Variants in MLLT3 observed in about 807,000 individuals in gnomAD.
The protein encoded by MLLT3 is protein AF-9.
A neutral mutation model predicts 53.2 loss-of-function variants in MLLT3; 4 were observed. The observed-to-expected ratio is 0.08, with a 90% CI of 0.04 to 0.17. The LOEUF is 0.17. Ranked by LOEUF, MLLT3 falls within the 10% of genes least tolerant of loss-of-function variation. MLLT3 has a pLI of 1.00. For synonymous variants in MLLT3, 283 were observed against 230.6 expected (o/e 1.23, Z -2.06); for missense variants, 569 against 684.0 (o/e 0.83, Z 1.87).
intron 2 of MLLT3, among the ~76,000 whole-genome samples, chr9:20,497,039 G>C (rs1033743994): frequency 6.6e-6 from 1 of 152,118 alleles, no homozygotes; most frequent in East Asian, 1.9e-4. Context: ...TAACTCATTG[G>C]AGTTCTTCTT....
At chr9:20,456,631 C>A in intron 3 of MLLT3, 73 bp downstream of exon 3, 1 of 1,098,300 alleles carries the variant, frequency 9.1e-7, no homozygotes, top group South Asian at 1.3e-5. Flanking sequence ...GCTTATGAGT[C>A]AAAATTATTT....
intron 2 of MLLT3, among the ~76,000 whole-genome samples, chr9:20,489,283 T>C (rs574237755): frequency 2.0e-5 from 3 of 152,296 alleles, no homozygotes; most frequent in South Asian, 2.1e-4. Context: ...GTTTTTTATA[T>C]CTACAGAGGC....
intron 2 of MLLT3, among the ~76,000 whole-genome samples, chr9:20,491,847 G>C (rs1335614819): frequency 6.6e-6 from 1 of 152,072 alleles, no homozygotes; most frequent in Non-Finnish European, 1.5e-5. Flanking sequence ...TCAGAGCATA[G>C]TACAAAGAAA....
At chr9:20,354,780 C>G (rs1821121555) in intron 9 of MLLT3, 28 bp downstream of exon 9, 1 of 1,443,328 alleles carries the variant, frequency 6.9e-7, no homozygotes, top group East Asian at 2.3e-5. Context: ...AGTGTTGGAG[C>G]CCTCCTAGTA....
In MLLT3 at chr9:20,431,208, C is replaced by A. The variant is rs368962532; in HGVS notation, c.421-16783G>T. On this transcript the variant is annotated intron_variant, in intron 4 of 10. Transcript: ENST00000380338. ...TTATTCATAGGTATACAATATAAGA[C>A]AGCATTTCTCTGAATGTAGTCGGCA... Among the ~76,000 whole-genome samples the A allele has an allele frequency of 4.6e-5, 7 of 152,208 alleles. No homozygotes were observed. In the South Asian group the frequency reaches 1.5e-3, roughly 32 times the overall value.
At chr9:20,368,241 A>AT (rs1821506526) in intron 5 of MLLT3, among the ~76,000 whole-genome samples, 1 of 152,224 alleles carries the variant, frequency 6.6e-6, no homozygotes, top group Non-Finnish European at 1.5e-5. Flanking sequence ...CAACTGAAAG[A>AT]GCATTCAGTT....
chr9:20,482,509 T>C (rs1264730817), intron 2 of MLLT3, among the ~76,000 whole-genome samples: 1 of 152,216 alleles, frequency 6.6e-6, no homozygotes, highest in East Asian at 1.9e-4. Flanking sequence ...AATTCTAGAA[T>C]GGCGAGTAAA....
At chr9:20,614,313 G>A (rs563133259) in intron 2 of MLLT3, among the ~76,000 whole-genome samples, 99 of 151,880 alleles carry the variant, frequency 6.5e-4, no homozygotes, top group African/African-American at 2.2e-3. Context: ...AGAATTAGTT[G>A]AACCCGGGAG....
chr9:20,560,872 T>A (rs1819191686), intron 2 of MLLT3, among the ~76,000 whole-genome samples: 1 of 152,168 alleles, frequency 6.6e-6, no homozygotes, highest in Admixed American at 6.5e-5. Context: ...GTCAGGGAAT[T>A]TGGGGTGTCA....
intron 2 of MLLT3, among the ~76,000 whole-genome samples, chr9:20,609,115 G>A (rs1049543277): frequency 1.3e-5 from 2 of 151,930 alleles, no homozygotes; most frequent in African/African-American, 4.8e-5. Flanking sequence ...TTTATTTGCA[G>A]CTCTATTTTA....
intron 2 of MLLT3, among the ~76,000 whole-genome samples, chr9:20,568,319 T>G (rs534164934): frequency 1.3e-5 from 2 of 152,228 alleles, no homozygotes; most frequent in East Asian, 1.9e-4. Context: ...TTCTCTCTAC[T>G]TTTCTGAATA....
intron 5 of MLLT3, among the ~76,000 whole-genome samples, chr9:20,387,380 G>T (rs1822065515): frequency 6.6e-6 from 1 of 152,196 alleles, no homozygotes. Context: ...GGGATTTGGT[G>T]AACTTTGTTA....
rs576876159 is a variant in MLLT3, at chr9:20,535,115, G to A, written c.194-78329C>T. Among the ~76,000 whole-genome samples, 182 of 152,202 alleles carry A rather than the reference G, an allele frequency of 1.2e-3. 1 individual carries two copies. Among genetic ancestry groups the A allele is most frequent in the Non-Finnish European group, 2.1e-3 (141 of 67,980 alleles). ...GTACGGGGCCACACGGCAGGTCAGC[G>A]GCAGGTGAGCTAGCGTTACCGCCTG... On this transcript the variant is annotated intron_variant, in intron 2 of 10. Transcript: ENST00000380338.
Position 20,459,489 on chromosome 9 carries a change from G to A in MLLT3, c.194-2703C>T, listed in dbSNP as rs531013377. 1.7e-4 allele frequency among the ~76,000 whole-genome samples: 26 copies of A among 152,314 alleles called. No individual in the cohort carries two copies. The South Asian group carries it at 3.3e-3, about 19-fold the overall frequency. On this transcript the variant is annotated intron_variant, in intron 2 of 10. Coordinates refer to ENST00000380338, the MANE Select transcript of MLLT3 (RefSeq NM_004529.4). ...GTTACGCTTATGACACTTCCAGGCT[G>A]CAAAGCCCCTTTTCAGAACAGCAAT...
At chr9:20,507,812 T>C (rs934031174) in intron 2 of MLLT3, among the ~76,000 whole-genome samples, 2 of 149,432 alleles carry the variant, frequency 1.3e-5, no homozygotes, top group Non-Finnish European at 3.0e-5. Context: ...CATTTTAATG[T>C]TAAAATCATA....
intron 4 of MLLT3, among the ~76,000 whole-genome samples, chr9:20,436,378 G>C (rs1033470045): frequency 6.6e-6 from 1 of 152,234 alleles, no homozygotes; most frequent in Admixed American, 6.5e-5. Flanking sequence ...CACATAAATT[G>C]TATTTTCAGA....
intron 2 of MLLT3, among the ~76,000 whole-genome samples, chr9:20,582,763 G>A (rs4492461): frequency 0.42 from 63,499 of 151,880 alleles, 13,757 homozygotes; most frequent in Middle Eastern, 0.5. Flanking sequence ...ACATACTATC[G>A]TGAGAATAAC....
intron 3 of MLLT3, among the ~76,000 whole-genome samples, chr9:20,450,585 AGT>A (rs940086395): frequency 5.3e-5 from 8 of 152,314 alleles, no homozygotes; most frequent in Non-Finnish European, 1.0e-4. Context: ...TTTCACAAGT[AGT>A]GCTCCCCACA....
At chr9:20,461,430 A>G (rs1366051003) in intron 2 of MLLT3, among the ~76,000 whole-genome samples, 4 of 152,208 alleles carry the variant, frequency 2.6e-5, no homozygotes, top group Non-Finnish European at 5.9e-5. Context: ...TTAGTTAGAA[A>G]TAAGTCAAAC....
Sources: gnomAD v4.1 joint callset for allele counts (sites outside exome capture counted in the v4.1 genomes callset) on GRCh38, gnomAD v4.1.1 for gene constraint, MANE v1.5 for transcripts, NCBI Gene and HGNC (gene_info 2026-07-23, HGNC 2026-07-21) for gene names.